Variants in CHEK2 observed in about 807,000 individuals in gnomAD.
The protein encoded by CHEK2 is serine/threonine-protein kinase Chk2.
CHEK2 carries 71 observed loss-of-function variants against 69.1 expected under a neutral mutation model. The ratio of observed to expected loss-of-function variants is 1.03; its 90% CI spans 0.85 to 1.25. The LOEUF is 1.25. Ranked by LOEUF, CHEK2 falls within the 50% of genes most tolerant of loss-of-function variation. The probability of loss-of-function intolerance (pLI) is 0.00; values close to 1 mark genes in which losing one functional copy is unlikely to be tolerated. For synonymous variants in CHEK2, 189 were observed against 226.9 expected, an observed-to-expected ratio of 0.83 and a Z score of 1.50; for missense variants, 664 against 649.6, an observed-to-expected ratio of 1.02 and a Z score of -0.24.
At chr22:28,730,112 G>A (rs1347194385) in intron 2 of CHEK2, among the ~76,000 whole-genome samples, 3 of 149,658 alleles carry the variant, frequency 2.0e-5, no homozygotes, top group Non-Finnish European at 4.4e-5. Context: ...CAAAGTGCTT[G>A]GATTACAGGC....
chr22:28,697,932 T>A (rs2052654561), intron 9 of CHEK2, among the ~76,000 whole-genome samples: 2 of 152,004 alleles, frequency 1.3e-5, no homozygotes, highest in East Asian at 1.9e-4. Flanking sequence ...CAATTCATGT[T>A]AATATTCTTG....
At chr22:28,696,776 T>A in intron 10 of CHEK2, 125 bp downstream of exon 10, 1 of 703,754 alleles carries the variant, frequency 1.4e-6, no homozygotes. Flanking sequence ...ATCTCTAAAA[T>A]AATTGGTAAC....
chr22:28,711,530 A>C (rs1158876949), intron 6 of CHEK2, among the ~76,000 whole-genome samples: 1 of 152,166 alleles, frequency 6.6e-6, no homozygotes, highest in African/African-American at 2.4e-5. Context: ...TCTGAACAAA[A>C]TCTAGAAGGA....
At chr22:28,727,288 G>T (rs186255695) in intron 2 of CHEK2, among the ~76,000 whole-genome samples, 1 of 152,240 alleles carries the variant, frequency 6.6e-6, no homozygotes, top group East Asian at 1.9e-4. Context: ...TGATCCGCCC[G>T]CCTCGGCCTC....
chr22:28,720,147 G>C lies in CHEK2; in HGVS notation c.593-662C>G, dbSNP rs1221113711. ...ACTCTGTTGCCCAGGCTGGAGTGCA[G>C]TGGCATGACCTCAGCTCACTGCAAC... On this transcript the variant is annotated intron_variant, in intron 4 of 14. Transcript: ENST00000404276. Among the ~76,000 whole-genome samples the C allele has an allele frequency of 4.7e-4, 68 of 143,176 alleles. 1 individual carries two copies. The allele number at this position is 143,176 out of a possible 152,430, so 93.9% of individuals were successfully genotyped here.
chr22:28,689,043 T>C lies in CHEK2; in HGVS notation c.1542+92A>G, dbSNP rs968917102. The C allele has an allele frequency of 1.2e-4, 102 of 819,308 alleles. No homozygotes were observed. The Middle Eastern group carries it at 1.4e-3, about 11-fold the overall frequency. The allele number at this position is 819,308 out of a possible 1,614,324, so 50.8% of individuals were successfully genotyped here. A position where few individuals can be genotyped will look rare whatever the true frequency, so the allele number is the denominator to read the frequency against. On this transcript the variant is annotated intron_variant, in intron 14 of 14. Coordinates refer to ENST00000404276, the MANE Select transcript of CHEK2 (RefSeq NM_007194.4). ...TTATAACTGAAACAATGTTAAGCAA[T>C]TGCTACTCAGGAAAATCTTGAATTT...
chr22:28,691,178 G>A (rs200803186), intron 13 of CHEK2, among the ~76,000 whole-genome samples: 1,718 of 97,650 alleles, frequency 0.018, no homozygotes, highest in Middle Eastern at 0.059. Flanking sequence ...AATCAGGCCT[G>A]TATTTAAAAC....
intron 5 of CHEK2, among the ~76,000 whole-genome samples, chr22:28,717,565 T>C (rs1187862619): frequency 6.7e-6 from 1 of 149,804 alleles, no homozygotes; most frequent in Non-Finnish European, 1.5e-5. Flanking sequence ...AAGACTCATC[T>C]CTACAGTAAA....
chr22:28,710,800 G>A (rs1180525716), intron 6 of CHEK2, among the ~76,000 whole-genome samples: 2 of 152,114 alleles, frequency 1.3e-5, no homozygotes, highest in South Asian at 2.1e-4. Flanking sequence ...CCTGTAAGCC[G>A]CTAAACTCAT....
rs192508267 is a variant in CHEK2, at chr22:28,738,231, T to C, written c.-6-3504A>G. ...AGGAAAATAAAAAAGATACAAAGGTTCTGATGAGTTTTCTTTAAAACATAC... is the reference window on the plus strand; with the variant it reads ...AGGAAAATAAAAAAGATACAAAGGTCCTGATGAGTTTTCTTTAAAACATAC... On this transcript the variant is annotated intron_variant, in intron 1 of 14. Coordinates refer to ENST00000404276, the MANE Select transcript of CHEK2 (RefSeq NM_007194.4). 2.8e-4 allele frequency among the ~76,000 whole-genome samples: 42 copies of C among 152,194 alleles called. 1 individual carries two copies. Among genetic ancestry groups the C allele is most frequent in the Non-Finnish European group, 5.6e-4 (38 of 68,020 alleles).
At chr22:28,729,114 C>G (rs1278545106) in intron 2 of CHEK2, among the ~76,000 whole-genome samples, 1 of 152,116 alleles carries the variant, frequency 6.6e-6, no homozygotes, top group Non-Finnish European at 1.5e-5. Context: ...GGCCAGCATA[C>G]CAAAACCAGA....
chr22:28,703,251 A>C (rs1373751057), intron 8 of CHEK2, among the ~76,000 whole-genome samples: 2 of 152,190 alleles, frequency 1.3e-5, no homozygotes, highest in African/African-American at 4.8e-5. Flanking sequence ...GTGGTCAGCT[A>C]GTCAACTGCA....
intron 13 of CHEK2, among the ~76,000 whole-genome samples, chr22:28,691,520 T>A (rs1457710503): frequency 6.6e-6 from 1 of 152,252 alleles, no homozygotes; most frequent in African/African-American, 2.4e-5. Flanking sequence ...TTCTTCATGA[T>A]GTCTACAATT....
At chr22:28,737,398 C>T (rs1247904995) in intron 1 of CHEK2, 2 of 397,688 alleles carry the variant, frequency 5.0e-6, no homozygotes, top group African/African-American at 4.2e-5. Flanking sequence ...GCTTTGGGGC[C>T]ATTATTAAAT....
chr22:28,722,898 C>G (rs1157858635), intron 4 of CHEK2, among the ~76,000 whole-genome samples: 6 of 152,070 alleles, frequency 3.9e-5, no homozygotes, highest in Non-Finnish European at 5.9e-5. Flanking sequence ...TTTTTAAAAT[C>G]CCTACCAGAA....
chr22:28,710,099 A>G, intron 6 of CHEK2, 40 bp from the exon 7 acceptor site: 1 of 1,328,780 alleles, frequency 7.5e-7, no homozygotes, highest in Non-Finnish European at 1.1e-6. Context: ...AGTAATAATA[A>G]TTGCCAATAT....
chr22:28,708,717 A>G (rs2053264014), intron 7 of CHEK2: 1 of 159,384 alleles, frequency 6.3e-6, no homozygotes, highest in African/African-American at 2.4e-5. Context: ...TAATCCCAGC[A>G]CTTTGGGAGG....
At chr22:28,702,455 G>A (rs192510849) in intron 8 of CHEK2, among the ~76,000 whole-genome samples, 121 of 151,174 alleles carry the variant, frequency 8.0e-4, no homozygotes, top group African/African-American at 2.7e-3. Context: ...AGCCAGGATG[G>A]CCTCGATCTC....
intron 5 of CHEK2, among the ~76,000 whole-genome samples, chr22:28,713,518 G>A (rs1037656689): frequency 5.3e-5 from 8 of 151,466 alleles, no homozygotes; most frequent in Admixed American, 1.3e-4. Context: ...CACCACGCCC[G>A]GCTAATCTTT....
Sources: allele counts gnomAD v4.1 joint callset (sites outside exome capture counted in the v4.1 genomes callset), GRCh38; gene constraint gnomAD v4.1.1; transcripts MANE v1.5; gene names NCBI Gene and HGNC (gene_info 2026-07-23, HGNC 2026-07-21).